CCDC146: variants seen among roughly 807,000 people sequenced by gnomAD.
CCDC146 encodes coiled-coil domain-containing protein 146.
CCDC146 carries 92 observed loss-of-function variants against 119.3 expected under a neutral mutation model. The ratio of observed to expected loss-of-function variants is 0.77; its 90% confidence interval spans 0.65 to 0.92. CCDC146 has a LOEUF of 0.92. Among genes scored for constraint, CCDC146 ranks in the 40% least tolerant of loss-of-function variants. The pLI, the probability that CCDC146 is intolerant of heterozygous loss-of-function variation, is 0.00. For missense variants in CCDC146, 1,000 were observed against 1,103.0 expected, an observed-to-expected ratio of 0.91 and a Z score of 1.32; for synonymous variants, 372 against 371.8, an observed-to-expected ratio of 1.00 and a Z score of -0.01.
intron 1 of CCDC146, among the ~76,000 whole-genome samples, chr7:77,154,161 G>C (rs1467852743): frequency 1.3e-5 from 2 of 152,056 alleles, no homozygotes; most frequent in African/African-American, 4.8e-5. Context: ...CCGAGGGGTT[G>C]ACTATAATGT....
At chr7:77,237,662 A>G (rs1015544713) in intron 3 of CCDC146, among the ~76,000 whole-genome samples, 2 of 152,058 alleles carry the variant, frequency 1.3e-5, no homozygotes, top group African/African-American at 4.8e-5. Flanking sequence ...CCCTGTCTGT[A>G]CTTCTCACCT....
intron 9 of CCDC146, among the ~76,000 whole-genome samples, chr7:77,263,302 A>C (rs1055563831): frequency 3.9e-5 from 6 of 152,192 alleles, no homozygotes; most frequent in African/African-American, 1.4e-4. Context: ...CCAATGTGAG[A>C]CCCTCTAGCT....
chr7:77,241,985 G>A (rs1429811354), intron 4 of CCDC146, 85 bp downstream of exon 4: 10 of 1,024,640 alleles, frequency 9.8e-6, no homozygotes, highest in East Asian at 2.5e-5. Flanking sequence ...GGTAATTGAA[G>A]GAGTAGGAGA....
intron 1 of CCDC146, among the ~76,000 whole-genome samples, chr7:77,151,516 G>T (rs1372936846): frequency 6.6e-6 from 1 of 151,984 alleles, no homozygotes; most frequent in African/African-American, 2.4e-5. Flanking sequence ...TGAGGGAAAC[G>T]TTTATGGTAG....
chr7:77,201,308 G>A (rs1364449671), intron 2 of CCDC146, among the ~76,000 whole-genome samples: 1 of 151,820 alleles, frequency 6.6e-6, no homozygotes, highest in Non-Finnish European at 1.5e-5. Flanking sequence ...TTGGGAGGCC[G>A]AGGCATGTGG....
intron 4 of CCDC146, among the ~76,000 whole-genome samples, chr7:77,244,764 A>G (rs752757108): frequency 6.6e-6 from 1 of 151,404 alleles, no homozygotes; most frequent in Non-Finnish European, 1.5e-5. Flanking sequence ...ACTGCACATG[A>G]CACAGAAACC....
At chr7:77,197,016 T>A in intron 2 of CCDC146, 1 of 1,353,386 alleles carries the variant, frequency 7.4e-7, no homozygotes, top group Non-Finnish European at 1.0e-6. Context: ...AGGCATTGGA[T>A]CTTGTTAATA....
chr7:77,145,788 T>C lies in CCDC146; in HGVS notation c.-11-21870T>C, dbSNP rs537298693. On this transcript the variant is annotated intron_variant, in intron 1 of 18. Transcript: ENST00000285871. ...TTGCACTGTGGTCTGAGAGACAATT[T>C]GTTATAATTTCTGTTCTTTTACATT... 1.3e-3 allele frequency among the ~76,000 whole-genome samples: 201 copies of C among 152,286 alleles called. 1 individual carries two copies. Among genetic ancestry groups the C allele is most frequent in the African/African-American group, 4.5e-3 (186 of 41,532 alleles).
At chr7:77,182,684 G>C (rs1337964491) in intron 2 of CCDC146, among the ~76,000 whole-genome samples, 5 of 152,238 alleles carry the variant, frequency 3.3e-5, no homozygotes, top group African/African-American at 1.2e-4. Flanking sequence ...TGTAGTCCCA[G>C]ATACTAGGGA....
At chr7:77,292,155 A>C (rs1793955699) in intron 17 of CCDC146, among the ~76,000 whole-genome samples, 1 of 151,972 alleles carries the variant, frequency 6.6e-6, no homozygotes, top group African/African-American at 2.4e-5. Context: ...TTAGCCAACT[A>C]TGGTGGTGCA....
At chr7:77,155,705 G>A (rs3095458) in intron 1 of CCDC146, among the ~76,000 whole-genome samples, 38,632 of 152,008 alleles carry the variant, frequency 0.25, 5,804 homozygotes, top group Non-Finnish European at 0.35. Flanking sequence ...GGAAAGTTTT[G>A]TTTAAATTGT....
At chr7:77,237,375 TA>T (rs1286045988) in intron 3 of CCDC146, among the ~76,000 whole-genome samples, 2 of 152,328 alleles carry the variant, frequency 1.3e-5, no homozygotes, top group Admixed American at 1.3e-4. Context: ...ACTCATTTAT[TA>T]CAAATTACTT....
At chr7:77,216,382 A>C (rs1052211387) in intron 2 of CCDC146, among the ~76,000 whole-genome samples, 12 of 152,172 alleles carry the variant, frequency 7.9e-5, no homozygotes, top group Admixed American at 7.9e-4. Flanking sequence ...CTATGCCATC[A>C]GCAAGATTAT....
chr7:77,278,171 CATCTA>C (rs1484627105), intron 11 of CCDC146, among the ~76,000 whole-genome samples: 4 of 152,188 alleles, frequency 2.6e-5, no homozygotes, highest in Non-Finnish European at 5.9e-5. Context: ...CCTCTTCTCT[CATCTA>C]TTTTCCATAA....
chr7:77,133,652 C>CTTTTTTT (rs71524906), intron 1 of CCDC146, among the ~76,000 whole-genome samples: 150 of 137,782 alleles, frequency 1.1e-3, no homozygotes, highest in African/African-American at 3.9e-3. Flanking sequence ...CCTGGAACAC[C>CTTTTTTT]TTTTTTTTTT....
chr7:77,243,852 G>C (rs1792895312), intron 4 of CCDC146, among the ~76,000 whole-genome samples: 1 of 152,106 alleles, frequency 6.6e-6, no homozygotes, highest in African/African-American at 2.4e-5. Context: ...GCTAATGTGT[G>C]TGTTTATGTC....
chr7:77,167,840 T>C lies in CCDC146; in HGVS notation c.156+16T>C, dbSNP rs201237581. 1 of 1,610,836 alleles carries C rather than the reference T, an allele frequency of 6.2e-7. No homozygotes were observed. Among genetic ancestry groups the C allele is most frequent in the East Asian group, 2.2e-5 (1 of 44,636 alleles). On this transcript the variant is annotated intron_variant, in intron 2 of 18. Coordinates refer to ENST00000285871, the MANE Select transcript of CCDC146 (RefSeq NM_020879.3). The stretch of plus-strand genomic sequence containing the variant: ...TCTGCATGAGGTATATTTTTCTTTA[T>C]ATGTTACTACAGTAAAACCCAACTC...
chr7:77,129,465 T>C (rs1427954347), intron 1 of CCDC146, among the ~76,000 whole-genome samples: 1 of 152,038 alleles, frequency 6.6e-6, no homozygotes, highest in Non-Finnish European at 1.5e-5. Flanking sequence ...AAAAAAACTA[T>C]ATGCTGAGAT....
chr7:77,156,224 T>C (rs1002937755), intron 1 of CCDC146, among the ~76,000 whole-genome samples: 1 of 152,362 alleles, frequency 6.6e-6, no homozygotes, highest in South Asian at 2.1e-4. Context: ...AGGCCAGATA[T>C]GCACTTGAAG....
Sources: allele counts gnomAD v4.1 joint callset (sites outside exome capture counted in the v4.1 genomes callset), GRCh38; gene constraint gnomAD v4.1.1; transcripts MANE v1.5; gene names NCBI Gene and HGNC (gene_info 2026-07-23, HGNC 2026-07-21).